The following GALNT1 variants were observed in gnomAD, a reference collection of about 807,000 sequenced individuals.
The protein encoded by GALNT1 is polypeptide N-acetylgalactosaminyltransferase 1, also known as GalNAc transferase 1.
Under a neutral mutation model 65.7 loss-of-function variants are expected in GALNT1, and 17 were observed. The observed-to-expected ratio is 0.26, with a 90% confidence interval of 0.18 to 0.39. GALNT1 has a LOEUF of 0.39. Ranked by LOEUF, GALNT1 falls within the 10% of genes least tolerant of loss-of-function variation. GALNT1 has a pLI of 1.00. For missense variants in GALNT1, 460 were observed against 672.8 expected (o/e 0.68, Z 3.50); for synonymous variants, 210 against 219.7 (o/e 0.96, Z 0.39).
At chr18:35,610,243 C>T (rs1240157251) in intron 1 of GALNT1, among the ~76,000 whole-genome samples, 1 of 152,150 alleles carries the variant, frequency 6.6e-6, no homozygotes, top group African/African-American at 2.4e-5. Context: ...CTAGAAGGCC[C>T]TTCTGCAGGA....
intron 3 of GALNT1, among the ~76,000 whole-genome samples, chr18:35,668,592 G>A (rs2047582463): frequency 6.6e-6 from 1 of 152,146 alleles, no homozygotes. Context: ...GCAGGGTGTA[G>A]AATAGTAGTT....
intron 1 of GALNT1, among the ~76,000 whole-genome samples, chr18:35,597,963 C>G (rs1323648634): frequency 1.4e-5 from 2 of 148,048 alleles, no homozygotes; most frequent in Admixed American, 1.4e-4. Context: ...CCTGACTATA[C>G]TATTGAGCAA....
chr18:35,654,716 A>G lies in GALNT1; in HGVS notation c.54A>G (p.Val18=). ...KVVLATSLIW[V]LLDMFLLLYF... Reference sequence around the variant, plus strand: ...TCCTAGCCACCTCCTTGATTTGGGTACTCTTGGATATGTTCCTGCTGCTTT... The same window carrying G: ...TCCTAGCCACCTCCTTGATTTGGGTGCTCTTGGATATGTTCCTGCTGCTTT... The change falls in exon 2 of 12, where the codon GTA becomes GTG. Residue 18 remains valine, a synonymous_variant. Transcript: ENST00000269195. 6.4e-7 allele frequency: 1 copy of G among 1,568,862 alleles called. No homozygotes were observed. Among genetic ancestry groups the G allele is most frequent in the Non-Finnish European group, 8.7e-7 (1 of 1,154,668 alleles).
intron 11 of GALNT1, among the ~76,000 whole-genome samples, chr18:35,706,689 C>T (rs769359754): frequency 1.3e-5 from 2 of 151,918 alleles, no homozygotes; most frequent in Admixed American, 1.3e-4. Context: ...ACTTTCTGGG[C>T]CAATATCTGT....
At chr18:35,703,963 ATTAC>A (rs768749058) in intron 11 of GALNT1, among the ~76,000 whole-genome samples, 19 of 152,338 alleles carry the variant, frequency 1.2e-4, no homozygotes, top group Non-Finnish European at 2.2e-4. Context: ...GGCTTTTAAA[ATTAC>A]TTAATTAAAC....
intron 11 of GALNT1, among the ~76,000 whole-genome samples, chr18:35,704,581 T>G (rs1204850350): frequency 6.6e-6 from 1 of 152,122 alleles, no homozygotes; most frequent in Non-Finnish European, 1.5e-5. Context: ...GTGCTGGGAT[T>G]ACAGGCATGA....
chr18:35,687,811 C>A (rs912342413), intron 6 of GALNT1, among the ~76,000 whole-genome samples: 2 of 151,970 alleles, frequency 1.3e-5, no homozygotes, highest in Non-Finnish European at 2.9e-5. Flanking sequence ...CTCTTCTGAG[C>A]CATCCTAGAA....
At chr18:35,631,239 A>G (rs2047003912) in intron 1 of GALNT1, among the ~76,000 whole-genome samples, 2 of 152,222 alleles carry the variant, frequency 1.3e-5, no homozygotes, top group East Asian at 3.8e-4. Flanking sequence ...AGCCTGGCAG[A>G]GACACAACTT....
intron 1 of GALNT1, among the ~76,000 whole-genome samples, chr18:35,593,140 G>T (rs2046464561): frequency 6.6e-6 from 1 of 152,158 alleles, no homozygotes; most frequent in African/African-American, 2.4e-5. Flanking sequence ...AATCTATGTG[G>T]CACACGGAGG....
chr18:35,646,941 A>G (rs1023386394), intron 1 of GALNT1, among the ~76,000 whole-genome samples: 2 of 152,064 alleles, frequency 1.3e-5, no homozygotes, highest in Non-Finnish European at 2.9e-5. Flanking sequence ...CTCCCCTCCA[A>G]AAATTGGTCC....
chr18:35,626,662 G>C (rs1480665330), intron 1 of GALNT1, among the ~76,000 whole-genome samples: 2 of 152,134 alleles, frequency 1.3e-5, no homozygotes, highest in South Asian at 2.1e-4. Flanking sequence ...TGGGAGGTCT[G>C]GTCTTAGGGT....
At chr18:35,619,870 G>A (rs1298108324) in intron 1 of GALNT1, among the ~76,000 whole-genome samples, 2 of 152,052 alleles carry the variant, frequency 1.3e-5, no homozygotes, top group East Asian at 1.9e-4. Context: ...GAAGTAAAAG[G>A]TTTTTTTAAA....
intron 1 of GALNT1, among the ~76,000 whole-genome samples, chr18:35,643,427 A>G (rs898082930): frequency 2.6e-5 from 4 of 152,208 alleles, no homozygotes; most frequent in Admixed American, 2.0e-4. Context: ...TAAGGCATTA[A>G]GTACTTGAGT....
intron 9 of GALNT1, 28 bp from the exon 10 acceptor site, chr18:35,702,869 G>T: frequency 6.8e-7 from 1 of 1,467,612 alleles, no homozygotes; most frequent in African/African-American, 1.5e-5. Context: ...TCCAACTCCT[G>T]ATATTTTCAT....
In GALNT1 at chr18:35,679,608, C is replaced by T. The variant is rs117451903; in HGVS notation, c.481+1851C>T. Among the ~76,000 whole-genome samples the T allele has an allele frequency of 8.2e-3, 1,243 of 152,276 alleles. 10 individuals are homozygous for T. The highest frequency in any genetic ancestry group is 0.034 in the Middle Eastern group (10 of 294). On this transcript the variant is annotated intron_variant, in intron 4 of 11. Transcript: ENST00000269195. ...CTCTAGGCAGGGTCCTGGAGTGCCG[C>T]TCCAGAGTCCCTGCTCAGGGGTCTG...
chr18:35,670,924 A>C (rs1430095592), intron 3 of GALNT1, among the ~76,000 whole-genome samples: 2 of 152,236 alleles, frequency 1.3e-5, no homozygotes, highest in East Asian at 3.8e-4. Flanking sequence ...AATTCAAGAC[A>C]AAACTGAAAC....
chr18:35,683,639 G>T, intron 5 of GALNT1, 41 bp downstream of exon 5: 3 of 1,521,698 alleles, frequency 2.0e-6, no homozygotes, highest in Non-Finnish European at 2.7e-6. Context: ...TAGTACATTT[G>T]TCCTAAACTA....
At chr18:35,689,369 TAA>T (rs2047919942) in intron 7 of GALNT1, 79 bp downstream of exon 7, 2 of 812,090 alleles carry the variant, frequency 2.5e-6, no homozygotes, top group African/African-American at 3.5e-5. Context: ...TATCTCTACA[TAA>T]AAAATAAAAA....
chr18:35,650,444 T>C (rs764637492), intron 1 of GALNT1, among the ~76,000 whole-genome samples: 13 of 152,188 alleles, frequency 8.5e-5, no homozygotes, highest in Non-Finnish European at 1.5e-4. Flanking sequence ...TAACATCTTA[T>C]CAGGAGACAG....
Sources: gnomAD v4.1 joint callset for allele counts (sites outside exome capture counted in the v4.1 genomes callset) on GRCh38, gnomAD v4.1.1 for gene constraint, MANE v1.5 for transcripts, NCBI Gene and HGNC (gene_info 2026-07-23, HGNC 2026-07-21) for gene names.